ZNF215: variants seen among roughly 807,000 people sequenced by gnomAD.
ZNF215 encodes the protein zinc finger protein 215.
A neutral mutation model predicts 27.2 loss-of-function variants in ZNF215; 24 were observed. That is an observed-to-expected ratio of 0.88 (90% CI 0.64 to 1.24). The LOEUF is 1.24. Among genes scored for constraint, ZNF215 ranks in the 50% most tolerant of loss-of-function variants. ZNF215 has a pLI of 0.00. For missense variants in ZNF215, 675 were observed against 605.7 expected (o/e 1.11, Z -1.20); for synonymous variants, 210 against 204.0 (o/e 1.03, Z -0.25).
intron 5 of ZNF215, among the ~76,000 whole-genome samples, chr11:6,976,268 G>T (rs943684582): frequency 6.6e-5 from 10 of 151,970 alleles, no homozygotes; most frequent in African/African-American, 9.7e-5. Context: ...ACAAATCTCA[G>T]TAAAAGTGGC....
In ZNF215 at chr11:6,957,237, G is replaced by A; in HGVS notation, c.*706G>A. 1.0e-6 allele frequency: 1 copy of A among 969,118 alleles called. No individual in the cohort carries two copies. Among genetic ancestry groups the A allele is most frequent in the Non-Finnish European group, 1.2e-6 (1 of 815,118 alleles). 60.0% of individuals were successfully genotyped at this position (969,118 alleles called of 1,614,324 possible). On this transcript the variant is annotated 3_prime_UTR_variant, in exon 7 of 7. Transcript: ENST00000278319. ...ATGTTATAATTGTTATGATGTTGAT[G>A]AGAAAAATATCGATTCCCAGCCAGG...
chr11:6,945,567 T>C (rs938302105), intron 6 of ZNF215, among the ~76,000 whole-genome samples: 6 of 152,220 alleles, frequency 3.9e-5, no homozygotes. Flanking sequence ...CTAACTCCAA[T>C]AGATATTTTT....
chr11:6,968,383 C>G (rs961922925), intron 5 of ZNF215, among the ~76,000 whole-genome samples: 2 of 152,026 alleles, frequency 1.3e-5, no homozygotes, highest in Admixed American at 6.6e-5. Context: ...GGCGGTATGG[C>G]CATTTTCACA....
rs2133298673 is a variant in ZNF215, at chr11:6,956,028, C to T, written c.1051C>T (p.Gln351Ter). ...FKFNLDSVGK[Q>*]HSEYEYGNDL... is the part of the protein sequence containing the mutation. ...ATTTAATTTAGACTCAGTAGGTAAG[C>T]AACATTCAGAATATGAATATGGGAA... Residue 351 changes from glutamine to a stop codon, truncating the protein, a stop_gained, in exon 7 of 7, where the codon CAA (glutamine) becomes TAA (stop). Transcript: ENST00000278319. LOFTEE classifies it low-confidence loss of function (END_TRUNC). 1 of 1,608,792 alleles carries T rather than the reference C, an allele frequency of 6.2e-7. No individual in the cohort carries two copies. The highest frequency in any genetic ancestry group is 1.7e-4 in the Middle Eastern group (1 of 6,020).
chr11:6,974,245 T>C (rs1850784000), intron 5 of ZNF215, among the ~76,000 whole-genome samples: 2 of 152,180 alleles, frequency 1.3e-5, no homozygotes, highest in Non-Finnish European at 2.9e-5. Context: ...TTCTGTTCCA[T>C]TGGTCTATAT....
At position 6,958,027 on chromosome 11, in the gene ZNF215, A is replaced by G. The variant is rs950392283; in HGVS notation, c.*1496A>G. The G allele has an allele frequency of 1.3e-5, 13 of 985,306 alleles. No homozygotes were observed. The highest frequency in any genetic ancestry group is 1.6e-5 in the Non-Finnish European group (13 of 829,940). 61.0% of individuals were successfully genotyped at this position (985,306 alleles called of 1,614,324 possible). The stretch of plus-strand genomic sequence containing the variant: ...AGGTATACTGGAGTGAACTCCTATG[A>G]TTAAATAATGTCAAAATCTATGTTT... On this transcript the variant is annotated 3_prime_UTR_variant, in exon 7 of 7. Transcript: ENST00000278319.
Position 6,943,186 on chromosome 11 carries a change from A to G in ZNF215, c.587A>G (p.Asn196Ser), listed in dbSNP as rs774111383. 6.2e-7 allele frequency: 1 copy of G among 1,613,452 alleles called. No homozygotes were observed. The highest frequency in any genetic ancestry group is 8.5e-7 in the Non-Finnish European group (1 of 1,179,832). The change falls in exon 5 of 7, where the codon AAC becomes AGC. Residue 196 changes from asparagine to serine, a missense_variant. Transcript: ENST00000278319. Reference protein sequence around the residue: ...KNLYRNVMLENFRNLNSLRKA... With the variant: ...KNLYRNVMLESFRNLNSLRKA... ...CTGTACAGGAATGTGATGCTGGAAA[A>G]CTTTAGGAACCTGAATTCATTGCGT...
At chr11:6,935,696 A>G (rs922925437) in intron 3 of ZNF215, among the ~76,000 whole-genome samples, 3 of 152,188 alleles carry the variant, frequency 2.0e-5, no homozygotes, top group Admixed American at 2.0e-4. Context: ...GAGAAACACC[A>G]TAAACTGACT....
chr11:6,934,613 C>T (rs1157410381), intron 3 of ZNF215, among the ~76,000 whole-genome samples: 3 of 152,178 alleles, frequency 2.0e-5, no homozygotes, highest in Non-Finnish European at 4.4e-5. Context: ...ATCTCTAATA[C>T]TTTATTCTGT....
rs1850378788 is a variant in ZNF215 at position 6,956,822 on chromosome 11, C to T, written c.*291C>T. 2 of 1,132,714 alleles carry T rather than the reference C, an allele frequency of 1.8e-6. No individual in the cohort carries two copies. The highest frequency in any genetic ancestry group is 1.1e-6 in the Non-Finnish European group (1 of 924,280). The allele number at this position is 1,132,714 out of a possible 1,614,324, so 70.2% of individuals were successfully genotyped here. A position where few individuals can be genotyped will look rare whatever the true frequency, so the allele number is the denominator to read the frequency against. On this transcript the variant is annotated 3_prime_UTR_variant, in exon 7 of 7. Coordinates refer to ENST00000278319, the MANE Select transcript of ZNF215 (RefSeq NM_013250.4). ...TGATATCCATTACCCTCACCTCTCC[C>T]TAGTTCATAAATAGGTCTATAGCAT...
chr11:6,962,911 C>T (rs570862464), downstream of ZNF215, among the ~76,000 whole-genome samples: 5 of 152,170 alleles, frequency 3.3e-5, 1 homozygote, highest in East Asian at 9.6e-4. Flanking sequence ...CATCAGCTAT[C>T]ACCTATATTT....
chr11:6,986,216 A>G (rs1270571069), downstream of ZNF215, among the ~76,000 whole-genome samples: 3 of 152,164 alleles, frequency 2.0e-5, no homozygotes, highest in African/African-American at 7.2e-5. Flanking sequence ...GAATCCAGAA[A>G]TAAAGCCACA....
At chr11:6,931,610 G>C (rs767957745) in intron 2 of ZNF215, among the ~76,000 whole-genome samples, 1 of 152,066 alleles carries the variant, frequency 6.6e-6, no homozygotes, top group Non-Finnish European at 1.5e-5. Flanking sequence ...CCTAATAATA[G>C]TTTATGGATA....
chr11:6,956,244 A>C lies in ZNF215; in HGVS notation c.1267A>C (p.Thr423Pro), dbSNP rs763967759. ...ATTCTTCAACCGACGTACAAACCTT[A>C]CTAAGCATCAAAAACTTCATGCTGA... ...GRFFNRRTNL[T>P]KHQKLHAEAK... Residue 423 changes from threonine to proline, a missense_variant, in exon 7 of 7, where the codon ACT becomes CCT. Coordinates refer to ENST00000278319, the MANE Select transcript of ZNF215 (RefSeq NM_013250.4). 6.8e-6 allele frequency: 11 copies of C among 1,613,866 alleles called. No homozygotes were observed. The highest frequency in any genetic ancestry group is 9.3e-6 in the Non-Finnish European group (11 of 1,179,962).
chr11:6,979,998 A>G (rs2133351904), intron 5 of ZNF215, among the ~76,000 whole-genome samples: 1 of 152,244 alleles, frequency 6.6e-6, no homozygotes, highest in South Asian at 2.1e-4. Flanking sequence ...AAAAGCAACA[A>G]GTACACATGC....
Position 6,926,527 on chromosome 11 carries a change from G to A in ZNF215, c.-484G>A, listed in dbSNP as rs1227193384. On this transcript the variant is annotated 5_prime_UTR_variant, in exon 1 of 7. Transcript: ENST00000278319. ...ACAGCTGGTGCGCGTGCGCAAGAGT[G>A]CGTCGAGGTTGTTCCGCGGCAATTT... 6.6e-6 allele frequency: 1 copy of A among 152,512 alleles called. No individual in the cohort carries two copies. Among genetic ancestry groups the A allele is most frequent in the African/African-American group, 2.4e-5 (1 of 41,580 alleles). 9.4% of individuals were successfully genotyped at this position (152,512 alleles called of 1,614,324 possible). A position where few individuals can be genotyped will look rare whatever the true frequency, so the allele number is the denominator to read the frequency against.
At chr11:6,959,352 C>A (rs1319170775), downstream of ZNF215, among the ~76,000 whole-genome samples, 2 of 152,120 alleles carry the variant, frequency 1.3e-5, no homozygotes, top group Non-Finnish European at 2.9e-5. Context: ...ACTCAAGGGG[C>A]ACATCATGAG....
intron 6 of ZNF215, among the ~76,000 whole-genome samples, chr11:6,947,638 C>T (rs1158202773): frequency 6.6e-6 from 1 of 152,224 alleles, no homozygotes; most frequent in Non-Finnish European, 1.5e-5. Flanking sequence ...TAGGGAAATA[C>T]AATTGGAAAT....
intron 3 of ZNF215, among the ~76,000 whole-genome samples, chr11:6,939,057 TGAAAG>T (rs775060332): frequency 6.6e-6 from 1 of 152,094 alleles, no homozygotes; most frequent in African/African-American, 2.4e-5. Context: ...AAGTAAAAAT[TGAAAG>T]GATAGGAAGA....
Sources: gnomAD v4.1 joint callset for allele counts (sites outside exome capture counted in the v4.1 genomes callset) on GRCh38, gnomAD v4.1.1 for gene constraint, MANE v1.5 for transcripts, NCBI Gene and HGNC (gene_info 2026-07-23, HGNC 2026-07-21) for gene names.